DSE: variants seen among roughly 807,000 people sequenced by gnomAD.
The protein encoded by DSE is dermatan-sulfate epimerase.
In DSE, 36 loss-of-function variants were observed where a neutral mutation model predicts 84.4. That is an observed-to-expected ratio of 0.43 (90% CI 0.33 to 0.56). The LOEUF is 0.56. Among genes scored for constraint, DSE ranks in the 20% least tolerant of loss-of-function variants. The pLI is 0.06. For synonymous variants in DSE, 410 were observed against 430.1 expected (o/e 0.95, Z 0.58); for missense variants, 862 against 1,169.6 (o/e 0.74, Z 3.84).
chr6:116,313,411 A>G (rs1297330694), intron 2 of DSE, among the ~76,000 whole-genome samples: 2 of 152,240 alleles, frequency 1.3e-5, no homozygotes, highest in Non-Finnish European at 2.9e-5. Flanking sequence ...ATGAAGCCAA[A>G]CAGAAGAAAA....
rs376198728 is a variant in DSE, at chr6:116,437,356, A to G, written c.*11A>G. On this transcript the variant is annotated 3_prime_UTR_variant, in exon 6 of 6. Coordinates refer to ENST00000644252, the MANE Select transcript of DSE (RefSeq NM_013352.4). The stretch of plus-strand genomic sequence containing the variant: ...CAATCACAGTGTTAGCACTGAAGCT[A>G]TAAATTACCTGGTCATTTTGTGATC... 2.6e-5 allele frequency: 40 copies of G among 1,557,366 alleles called. No individual in the cohort carries two copies. Among genetic ancestry groups the G allele is most frequent in the Non-Finnish European group, 3.4e-5 (39 of 1,155,034 alleles).
chr6:116,264,965 C>T (rs753171789), intron 2 of DSE, among the ~76,000 whole-genome samples: 5 of 152,070 alleles, frequency 3.3e-5, no homozygotes, highest in Non-Finnish European at 7.4e-5. Flanking sequence ...CTGAGGTGCT[C>T]CCGGACCACT....
intron 2 of DSE, among the ~76,000 whole-genome samples, chr6:116,403,136 C>T (rs554978456): frequency 2.6e-4 from 40 of 152,046 alleles, no homozygotes; most frequent in Non-Finnish European, 5.1e-4. Flanking sequence ...GACTGGGCAC[C>T]GCAGAATGAT....
At chr6:116,410,967 G>T (rs1376715874) in intron 2 of DSE, among the ~76,000 whole-genome samples, 2 of 152,094 alleles carry the variant, frequency 1.3e-5, no homozygotes, top group Non-Finnish European at 2.9e-5. Flanking sequence ...GGGATGGTGG[G>T]ATCTCTCAGT....
intron 2 of DSE, among the ~76,000 whole-genome samples, chr6:116,358,606 A>G (rs1583083637): frequency 6.6e-6 from 1 of 152,324 alleles, no homozygotes; most frequent in East Asian, 1.9e-4. Context: ...TACAACTCCA[A>G]CTACTGCAGA....
chr6:116,368,112 G>GAA, upstream of DSE, among the ~76,000 whole-genome samples: 1 of 152,192 alleles, frequency 6.6e-6, no homozygotes, highest in Admixed American at 6.5e-5. Context: ...CTCATCTGCT[G>GAA]TCTGTTTGGA....
intron 2 of DSE, among the ~76,000 whole-genome samples, chr6:116,341,369 T>A (rs999092939): frequency 1.3e-5 from 2 of 152,228 alleles, no homozygotes; most frequent in Non-Finnish European, 1.5e-5. Flanking sequence ...TTGTAGATTC[T>A]GGATATTAGC....
At chr6:116,402,016 A>G (rs1341923603) in intron 2 of DSE, among the ~76,000 whole-genome samples, 1 of 152,076 alleles carries the variant, frequency 6.6e-6, no homozygotes, top group Non-Finnish European at 1.5e-5. Flanking sequence ...AAAGCCAGTT[A>G]CTAAGTTATG....
intron 2 of DSE, among the ~76,000 whole-genome samples, chr6:116,360,168 G>A (rs926977851): frequency 6.6e-6 from 1 of 152,100 alleles, no homozygotes; most frequent in Non-Finnish European, 1.5e-5. Flanking sequence ...ACACAGGGAG[G>A]AGAACAACAC....
intron 2 of DSE, among the ~76,000 whole-genome samples, chr6:116,345,462 A>G (rs553085835): frequency 1.3e-5 from 2 of 152,196 alleles, no homozygotes; most frequent in Non-Finnish European, 2.9e-5. Flanking sequence ...GGATTAAGAA[A>G]CTCACTTAAA....
chr6:116,310,269 C>T (rs916126728), intron 2 of DSE, among the ~76,000 whole-genome samples: 1 of 151,916 alleles, frequency 6.6e-6, no homozygotes, highest in Admixed American at 6.6e-5. Flanking sequence ...AGGGTGTGGC[C>T]GTGGTCCTCT....
Position 116,433,358 on chromosome 6 carries a change from T to C in DSE, c.926T>C (p.Val309Ala), listed in dbSNP as rs1257040258. 6.4e-7 allele frequency: 1 copy of C among 1,551,330 alleles called. No individual in the cohort carries two copies. The highest frequency in any genetic ancestry group is 8.7e-7 in the Non-Finnish European group (1 of 1,146,934). Residue 309 changes from valine to alanine, a missense_variant, in exon 5 of 6, where the codon GTG becomes GCG. Transcript: ENST00000644252. ...RTILPGFQRT[V>A]AIADSNYNWF... ...ATTTCCCTAGGGTTTCAAAGGACTG[T>C]GGCTATTGCGGACTCAAATTACAAC... is the stretch of plus-strand genomic sequence containing the variant.
rs1477597632 is a variant in DSE at position 116,265,034 on chromosome 6, G to A, written c.-54+6067G>A. 3.9e-5 allele frequency among the ~76,000 whole-genome samples: 6 copies of A among 152,198 alleles called. No individual in the cohort carries two copies. In the South Asian group the frequency reaches 1.2e-3, roughly 31 times the overall value. ...AGTGTTTCATATTGCAGCAACAGGG[G>A]GATCTGTCTTCGTTCACATGTGCCA... On this transcript the variant is annotated intron_variant, in intron 2 of 3. Coordinates refer to the DSE transcript ENST00000430252.
chr6:116,278,855 T>C, intron 2 of DSE: 1 of 1,614,188 alleles, frequency 6.2e-7, no homozygotes, highest in Non-Finnish European at 8.5e-7. Context: ...GGGTTTCTTC[T>C]AAAGAAGAAC....
At chr6:116,324,528 G>A (rs1231658352) in intron 2 of DSE, among the ~76,000 whole-genome samples, 1 of 152,212 alleles carries the variant, frequency 6.6e-6, no homozygotes, top group Non-Finnish European at 1.5e-5. Flanking sequence ...GACAGGGAAA[G>A]CACAATTGCT....
At chr6:116,308,425 G>T (rs1306260416) in intron 2 of DSE, among the ~76,000 whole-genome samples, 1 of 152,114 alleles carries the variant, frequency 6.6e-6, no homozygotes, top group Non-Finnish European at 1.5e-5. Flanking sequence ...TGTTTAGACA[G>T]AAAATATTTG....
chr6:116,335,760 G>C (rs552548224), intron 2 of DSE, among the ~76,000 whole-genome samples: 38 of 152,302 alleles, frequency 2.5e-4, no homozygotes, highest in Non-Finnish European at 4.6e-4. Flanking sequence ...GATAGCATAA[G>C]TTACTACAAG....
chr6:116,307,499 G>A (rs1775425954), intron 2 of DSE, among the ~76,000 whole-genome samples: 1 of 152,092 alleles, frequency 6.6e-6, no homozygotes, highest in Admixed American at 6.6e-5. Context: ...CATTTTATAT[G>A]GATATGAACT....
intron 2 of DSE, among the ~76,000 whole-genome samples, chr6:116,426,218 G>GT: frequency 6.6e-6 from 1 of 152,210 alleles, no homozygotes; most frequent in Non-Finnish European, 1.5e-5. Context: ...GAGGAGTAGG[G>GT]TGAGCACTGG....
Sources: gnomAD v4.1 joint callset for allele counts (sites outside exome capture counted in the v4.1 genomes callset) on GRCh38, gnomAD v4.1.1 for gene constraint, MANE v1.5 for transcripts, NCBI Gene and HGNC (gene_info 2026-07-23, HGNC 2026-07-21) for gene names.